The following ZNF492 variants were observed in gnomAD, a reference collection of about 807,000 sequenced individuals.
ZNF492 encodes zinc finger protein 492.
Under a neutral mutation model 6.4 loss-of-function variants are expected in ZNF492, and 3 were observed. That is an observed-to-expected ratio of 0.47 (90% CI 0.21 to 1.22). ZNF492 has a LOEUF of 1.22. Ranked by LOEUF, ZNF492 falls within the 50% of genes most tolerant of loss-of-function variation. The pLI is 0.22. For missense variants in ZNF492, 356 were observed against 612.5 expected (o/e 0.58, Z 4.42); for synonymous variants, 112 against 205.3 (o/e 0.55, Z 3.89).
rs71180573 is a variant in ZNF492, at chr19:22,647,260, G to GTTTT, written c.-93-6036_-93-6033dup. On this transcript the variant is annotated intron_variant, in intron 1 of 3. Transcript: ENST00000456783. ...TTTTTTTGTTTGTTTGTTTGTTGTT[G>GTTTT]TTTTTTTTTTTTTTAGGCAGAGTTT... Among the ~76,000 whole-genome samples, 6 of 132,940 alleles carry GTTTT rather than the reference G, an allele frequency of 4.5e-5. No homozygotes were observed. The East Asian group carries it at 1.3e-3, about 29-fold the overall frequency. 87.2% of individuals were successfully genotyped at this position (132,940 alleles called of 152,430 possible).
chr19:22,653,056 A>G (rs5003442), intron 1 of ZNF492, among the ~76,000 whole-genome samples: 9 of 150,960 alleles, frequency 6.0e-5, no homozygotes, highest in Admixed American at 2.0e-4. Flanking sequence ...AATGCCCTCA[A>G]TTTTATACTT....
chr19:22,651,990 A>G (rs952049764), intron 1 of ZNF492, among the ~76,000 whole-genome samples: 1 of 152,124 alleles, frequency 6.6e-6, no homozygotes, highest in Non-Finnish European at 1.5e-5. Context: ...TTAAATTCAG[A>G]CTATAATTTA....
intron 3 of ZNF492, among the ~76,000 whole-genome samples, chr19:22,663,220 A>T (rs1356248289): frequency 6.6e-6 from 1 of 151,728 alleles, no homozygotes; most frequent in Non-Finnish European, 1.5e-5. Flanking sequence ...GTGTTTTGTC[A>T]GGTTTGTCAA....
rs1972121106 is a variant in ZNF492, at chr19:22,665,935, G to A, written c.*670G>A. The A allele has an allele frequency of 6.6e-6, 1 of 152,080 alleles. No homozygotes were observed. The highest frequency in any genetic ancestry group is 2.1e-4 in the South Asian group (1 of 4,832). The allele number at this position is 152,080 out of a possible 1,614,324, so 9.4% of individuals were successfully genotyped here. ...ACTTTACACTGAATCAGAGTTCTGA[G>A]TTTAGAAAGTAATCCAAAACTAAAC... On this transcript the variant is annotated 3_prime_UTR_variant, in exon 4 of 4. Transcript: ENST00000456783.
intron 1 of ZNF492, among the ~76,000 whole-genome samples, chr19:22,642,988 C>T (rs1971843615): frequency 6.6e-6 from 1 of 152,062 alleles, no homozygotes; most frequent in East Asian, 1.9e-4. Context: ...CAAGGTCTGG[C>T]CGTGGTGGCT....
intron 1 of ZNF492, among the ~76,000 whole-genome samples, chr19:22,643,118 A>C (rs1971845050): frequency 6.6e-6 from 1 of 151,842 alleles, no homozygotes; most frequent in Non-Finnish European, 1.5e-5. Context: ...CAACAACAAC[A>C]ACAAAATTAG....
intron 1 of ZNF492, among the ~76,000 whole-genome samples, chr19:22,639,723 A>AAAAAAAG (rs1555724553): frequency 1.4e-4 from 21 of 151,338 alleles, no homozygotes; most frequent in Non-Finnish European, 1.2e-4. Flanking sequence ...AAAAAAAAAA[A>AAAAAAAG]AAAAGAAAAG....
rs892466621 is a variant in ZNF492 at position 22,666,761 on chromosome 19, T to C, written c.*1496T>C. On this transcript the variant is annotated 3_prime_UTR_variant, in exon 4 of 4. Coordinates refer to ENST00000456783, the MANE Select transcript of ZNF492 (RefSeq NM_020855.3). ...TAAAATTAAAAATAAATTAGTATAT[T>C]ATTTTACTAATTTTACTTTTATGAA... 2.8e-4 allele frequency: 42 copies of C among 152,328 alleles called. No homozygotes were observed. The highest frequency in any genetic ancestry group is 9.4e-4 in the African/African-American group (39 of 41,578). 9.4% of individuals were successfully genotyped at this position (152,328 alleles called of 1,614,324 possible).
At chr19:22,661,310 A>G (rs761967038) in intron 3 of ZNF492, among the ~76,000 whole-genome samples, 1 of 151,826 alleles carries the variant, frequency 6.6e-6, no homozygotes, top group Non-Finnish European at 1.5e-5. Flanking sequence ...TATTCAACTT[A>G]TGAGTGTTTA....
chr19:22,634,335 T>G lies in ZNF492; in HGVS notation c.-233T>G. ...CGGGATGTGGCGGGGTCTTTGTCTC[T>G]CGCTGCAGTCGGAGTATGGTCTAGT... On this transcript the variant is annotated 5_prime_UTR_variant, in exon 1 of 4. Coordinates refer to ENST00000456783, the MANE Select transcript of ZNF492 (RefSeq NM_020855.3). 1 of 959,516 alleles carries G rather than the reference T, an allele frequency of 1.0e-6. No homozygotes were observed. Among genetic ancestry groups the G allele is most frequent in the Non-Finnish European group, 1.5e-6 (1 of 646,702 alleles). The allele number at this position is 959,516 out of a possible 1,614,324, so 59.4% of individuals were successfully genotyped here.
chr19:22,641,822 C>T (rs1971827726), intron 1 of ZNF492, among the ~76,000 whole-genome samples: 1 of 152,066 alleles, frequency 6.6e-6, no homozygotes, highest in South Asian at 2.1e-4. Context: ...GAGACGGAGT[C>T]TTGCTCTGTT....
intron 1 of ZNF492, 74 bp downstream of exon 1, chr19:22,634,548 G>A: frequency 7.7e-7 from 1 of 1,294,110 alleles, no homozygotes; most frequent in Non-Finnish European, 1.1e-6. Flanking sequence ...GGCTGTGGCG[G>A]GACTCAGGCC....
chr19:22,634,605 A>G lies in ZNF492; in HGVS notation c.-94+131A>G, dbSNP rs527939735. ...TCTGCGCCCCAAGTTCGCCTTGCCC[A>G]GCCCAGCCTCAGTCCCCTTCAGCCA... On this transcript the variant is annotated intron_variant, in intron 1 of 3. Coordinates refer to ENST00000456783, the MANE Select transcript of ZNF492 (RefSeq NM_020855.3). The G allele has an allele frequency of 1.4e-3, 1,403 of 1,010,060 alleles. 3 individuals are homozygous for G. The highest frequency in any genetic ancestry group is 1.9e-3 in the Non-Finnish European group (1,268 of 674,630). 62.6% of individuals were successfully genotyped at this position (1,010,060 alleles called of 1,614,324 possible).
chr19:22,656,025 A>G (rs1408337919), intron 3 of ZNF492, among the ~76,000 whole-genome samples: 12 of 142,886 alleles, frequency 8.4e-5, no homozygotes, highest in East Asian at 2.0e-4. Flanking sequence ...GGGTTTCACC[A>G]TGTTGGCCAG....
chr19:22,662,868 C>T (rs1196388474), intron 3 of ZNF492, among the ~76,000 whole-genome samples: 1 of 151,942 alleles, frequency 6.6e-6, no homozygotes, highest in Non-Finnish European at 1.5e-5. Flanking sequence ...CATAGATTTT[C>T]TCCCATTCTG....
At chr19:22,656,954 G>C (rs568703288) in intron 3 of ZNF492, among the ~76,000 whole-genome samples, 1 of 152,156 alleles carries the variant, frequency 6.6e-6, no homozygotes, top group Admixed American at 6.5e-5. Flanking sequence ...CATGATTCCT[G>C]TTTCTCTCAT....
chr19:22,659,509 C>G (rs2049235655), intron 3 of ZNF492, among the ~76,000 whole-genome samples: 2 of 151,050 alleles, frequency 1.3e-5, no homozygotes, highest in Non-Finnish European at 1.5e-5. Flanking sequence ...CTCTATGTGT[C>G]TCTGTTATTC....
intron 3 of ZNF492, among the ~76,000 whole-genome samples, chr19:22,662,163 T>C (rs1376389753): frequency 1.3e-5 from 2 of 152,086 alleles, no homozygotes; most frequent in African/African-American, 2.4e-5. Context: ...AATTCCCACC[T>C]ATGAGTGAGA....
chr19:22,634,347 G>A lies in ZNF492; in HGVS notation c.-221G>A. The A allele has an allele frequency of 1.9e-6, 2 of 1,045,796 alleles. No individual in the cohort carries two copies. Among genetic ancestry groups the A allele is most frequent in the Non-Finnish European group, 2.8e-6 (2 of 706,974 alleles). 64.8% of individuals were successfully genotyped at this position (1,045,796 alleles called of 1,614,324 possible). A position where few individuals can be genotyped will look rare whatever the true frequency, so the allele number is the denominator to read the frequency against. On this transcript the variant is annotated 5_prime_UTR_variant, in exon 1 of 4. Coordinates refer to ENST00000456783, the MANE Select transcript of ZNF492 (RefSeq NM_020855.3). ...GGGTCTTTGTCTCTCGCTGCAGTCGGAGTATGGTCTAGTGTTCGCTGTTCT... is the reference window on the plus strand; with the variant it reads ...GGGTCTTTGTCTCTCGCTGCAGTCGAAGTATGGTCTAGTGTTCGCTGTTCT...
Sources: gnomAD v4.1 joint callset for allele counts (sites outside exome capture counted in the v4.1 genomes callset) on GRCh38, gnomAD v4.1.1 for gene constraint, MANE v1.5 for transcripts, NCBI Gene and HGNC (gene_info 2026-07-23, HGNC 2026-07-21) for gene names.